Variants in SPOCK1 observed in about 807,000 individuals in gnomAD.
SPOCK1 encodes the protein testican-1.
SPOCK1 carries 23 observed loss-of-function variants against 55.3 expected under a neutral mutation model. The ratio of observed to expected loss-of-function variants is 0.42; its 90% CI spans 0.30 to 0.59. The LOEUF (loss-of-function observed/expected upper bound fraction) is 0.59. SPOCK1 is among the 20% of genes least tolerant of loss of function. The probability of loss-of-function intolerance (pLI) is 0.22; values close to 1 mark genes in which losing one functional copy is unlikely to be tolerated. For missense variants in SPOCK1, 499 were observed against 552.5 expected, an observed-to-expected ratio of 0.90 and a Z score of 0.97; for synonymous variants, 226 against 221.0, an observed-to-expected ratio of 1.02 and a Z score of -0.20.
intron 3 of SPOCK1, among the ~76,000 whole-genome samples, chr5:137,175,159 A>G (rs1754831282): frequency 6.6e-6 from 1 of 152,212 alleles, no homozygotes; most frequent in Admixed American, 6.5e-5. Context: ...AGAGGGAGAA[A>G]TTACTACCTG....
intron 3 of SPOCK1, among the ~76,000 whole-genome samples, chr5:137,221,988 T>C (rs978621053): frequency 2.0e-5 from 3 of 152,248 alleles, no homozygotes; most frequent in African/African-American, 7.2e-5. Context: ...TGAAAAGGTC[T>C]TCCTGGTATC....
At chr5:137,043,957 C>T (rs1166488762) in intron 6 of SPOCK1, among the ~76,000 whole-genome samples, 3 of 152,090 alleles carry the variant, frequency 2.0e-5, no homozygotes, top group Admixed American at 2.0e-4. Flanking sequence ...CAATGTAAGA[C>T]AATAATAGAG....
chr5:137,203,967 G>A (rs1161495716), intron 3 of SPOCK1, among the ~76,000 whole-genome samples: 2 of 152,186 alleles, frequency 1.3e-5, no homozygotes, highest in African/African-American at 4.8e-5. Flanking sequence ...CTCCCTAAAC[G>A]TGGAATGTTG....
chr5:137,245,328 A>G (rs1756373456), intron 3 of SPOCK1, among the ~76,000 whole-genome samples: 1 of 152,262 alleles, frequency 6.6e-6, no homozygotes, highest in South Asian at 2.1e-4. Flanking sequence ...AATTGGTTTT[A>G]GAAACACATG....
chr5:137,434,495 T>C (rs1437532208), intron 2 of SPOCK1, among the ~76,000 whole-genome samples: 5 of 125,132 alleles, frequency 4.0e-5, no homozygotes, highest in Non-Finnish European at 8.4e-5. Context: ...TTTTTTTTTT[T>C]TTTTTTTTTT....
chr5:137,076,607 T>TAAA (rs35285273), intron 5 of SPOCK1, among the ~76,000 whole-genome samples: 34 of 112,598 alleles, frequency 3.0e-4, no homozygotes, highest in East Asian at 5.0e-4. Context: ...GGACTGAAAG[T>TAAA]AAAAAAAAAA....
At chr5:137,477,738 C>T (rs563099553) in intron 2 of SPOCK1, among the ~76,000 whole-genome samples, 70 of 152,218 alleles carry the variant, frequency 4.6e-4, no homozygotes, top group African/African-American at 1.6e-3. Flanking sequence ...TAACAGAGCA[C>T]CCCTTGCTAA....
intron 4 of SPOCK1, among the ~76,000 whole-genome samples, chr5:137,128,681 CA>C (rs1753821403): frequency 6.6e-6 from 1 of 152,210 alleles, no homozygotes; most frequent in South Asian, 2.1e-4. Flanking sequence ...CAGGTGTCAA[CA>C]TTAAGCATGT....
At chr5:137,178,523 C>T (rs1334449530) in intron 3 of SPOCK1, among the ~76,000 whole-genome samples, 4 of 152,200 alleles carry the variant, frequency 2.6e-5, no homozygotes, top group African/African-American at 9.7e-5. Flanking sequence ...CTCAGAGAGG[C>T]CAAGTGACTT....
intron 2 of SPOCK1, among the ~76,000 whole-genome samples, chr5:137,332,187 A>T (rs1380593222): frequency 6.6e-6 from 1 of 151,380 alleles, no homozygotes; most frequent in East Asian, 2.0e-4. Context: ...TCCTCCTGGG[A>T]TCCCCACCCT....
intron 2 of SPOCK1, among the ~76,000 whole-genome samples, chr5:137,443,306 C>A (rs1334058635): frequency 6.6e-6 from 1 of 152,110 alleles, no homozygotes; most frequent in Non-Finnish European, 1.5e-5. Flanking sequence ...CCTGCCATGC[C>A]CTTAGGTCTC....
chr5:137,243,141 C>T (rs1756319782), intron 3 of SPOCK1, among the ~76,000 whole-genome samples: 1 of 152,144 alleles, frequency 6.6e-6, no homozygotes, highest in Non-Finnish European at 1.5e-5. Context: ...CAAACGTGTC[C>T]TGGGAAGTGC....
In SPOCK1 at chr5:137,196,663, C is replaced by T. The variant is rs567224896; in HGVS notation, c.233-55969G>A. 1.6e-3 allele frequency among the ~76,000 whole-genome samples: 247 copies of T among 152,342 alleles called. 1 individual carries two copies. Among genetic ancestry groups the T allele is most frequent in the African/African-American group, 5.7e-3 (235 of 41,570 alleles). On this transcript the variant is annotated intron_variant, in intron 3 of 10. Transcript: ENST00000394945. ...CTGCCTCCAACTATATCAGATCTTGCTTTTATAAACTTCTGGAGCACTGTG... is the reference window on the plus strand; with the variant it reads ...CTGCCTCCAACTATATCAGATCTTGTTTTTATAAACTTCTGGAGCACTGTG...
intron 5 of SPOCK1, among the ~76,000 whole-genome samples, chr5:137,098,942 C>T (rs1753206484): frequency 6.6e-6 from 1 of 151,692 alleles, no homozygotes; most frequent in Non-Finnish European, 1.5e-5. Context: ...CCCCCAAGAC[C>T]TCTTCTCAAA....
chr5:137,033,027 G>A (rs1751812934), intron 6 of SPOCK1, among the ~76,000 whole-genome samples: 1 of 152,238 alleles, frequency 6.6e-6, no homozygotes, highest in South Asian at 2.1e-4. Context: ...CTAAATGGCT[G>A]GGGATGGGCA....
At chr5:137,293,572 C>A (rs559065292) in intron 2 of SPOCK1, among the ~76,000 whole-genome samples, 5 of 108,760 alleles carry the variant, frequency 4.6e-5, no homozygotes, top group Non-Finnish European at 7.7e-5. Context: ...TCTGAAATCC[C>A]ACCTTGCCCC....
At chr5:137,110,803 C>G (rs191157565) in intron 5 of SPOCK1, among the ~76,000 whole-genome samples, 214 of 152,226 alleles carry the variant, frequency 1.4e-3, no homozygotes, top group Non-Finnish European at 2.6e-3. Context: ...ATTTTCCCAG[C>G]ACCTAGCACA....
chr5:137,285,033 C>G (rs549278130), intron 2 of SPOCK1, among the ~76,000 whole-genome samples: 22 of 152,342 alleles, frequency 1.4e-4, no homozygotes, highest in African/African-American at 5.0e-4. Flanking sequence ...CGCTAATGTG[C>G]ATCAGCCCAC....
intron 2 of SPOCK1, among the ~76,000 whole-genome samples, chr5:137,418,748 G>T (rs1259935850): frequency 6.6e-6 from 1 of 152,124 alleles, no homozygotes; most frequent in African/African-American, 2.4e-5. Context: ...CCATTCTGTA[G>T]GTTGCCTGTT....
Sources: allele counts gnomAD v4.1 joint callset (sites outside exome capture counted in the v4.1 genomes callset), GRCh38; gene constraint gnomAD v4.1.1; transcripts MANE v1.5; gene names NCBI Gene and HGNC (gene_info 2026-07-23, HGNC 2026-07-21).